MACF1: variants seen among roughly 807,000 people sequenced by gnomAD.
MACF1 encodes the protein microtubule-actin cross-linking factor 1.
MACF1 carries 193 observed loss-of-function variants against 854.8 expected under a neutral mutation model. That is an observed-to-expected ratio of 0.23 (90% CI 0.20 to 0.25). The LOEUF is 0.25. Among genes scored for constraint, MACF1 ranks in the 10% least tolerant of loss-of-function variants. The pLI, the probability that MACF1 is intolerant of heterozygous loss-of-function variation, is 1.00. For synonymous variants in MACF1, 3,185 were observed against 3,226.7 expected (o/e 0.99, Z 0.44); for missense variants, 7,722 against 8,929.1 (o/e 0.86, Z 5.45).
intron 57 of MACF1, 30 bp downstream of exon 57, chr1:39,385,959 CATT>C (rs779107811): frequency 6.4e-7 from 1 of 1,570,448 alleles, no homozygotes; most frequent in East Asian, 2.3e-5. Context: ...ATACTTCTGC[CATT>C]ATTAGAGGCA....
rs1206173185 is a variant in MACF1 at position 39,427,631 on chromosome 1, G to A, written c.16476+17G>A. The A allele has an allele frequency of 1.3e-6, 2 of 1,599,256 alleles. No individual in the cohort carries two copies. Among genetic ancestry groups the A allele is most frequent in the Non-Finnish European group, 1.7e-6 (2 of 1,174,514 alleles). ...CGGCACAAGGTAGGGAGTGGTTACA[G>A]TAAATGAAAATAGAAAACTGGAATT... On this transcript the variant is annotated intron_variant, in intron 62 of 100. Transcript: ENST00000564288.
chr1:39,453,674 T>C, intron 87 of MACF1, 33 bp from the exon 88 acceptor site: 7 of 1,608,076 alleles, frequency 4.4e-6, no homozygotes, highest in Non-Finnish European at 6.0e-6. Context: ...TGTAGACTTT[T>C]TACGTTTTTG....
chr1:39,171,237 G>A (rs1257893149), intron 2 of MACF1, among the ~76,000 whole-genome samples: 1 of 151,430 alleles, frequency 6.6e-6, no homozygotes, highest in African/African-American at 2.4e-5. Flanking sequence ...GTATGTGTGT[G>A]TGTATTTTTC....
intron 1 of MACF1, among the ~76,000 whole-genome samples, chr1:39,207,147 CTA>C (rs1247299308): frequency 6.6e-6 from 1 of 151,984 alleles, no homozygotes; most frequent in East Asian, 1.9e-4. Flanking sequence ...TAATTCATCT[CTA>C]TGTAGTAATA....
At chr1:39,408,499 A>AC (rs1449603188) in intron 58 of MACF1, among the ~76,000 whole-genome samples, 21 of 152,116 alleles carry the variant, frequency 1.4e-4, no homozygotes, top group African/African-American at 3.1e-4. Context: ...CAGGCGGCCT[A>AC]CCCCAGCCGG....
In MACF1 at chr1:39,447,799, G is replaced by C; in HGVS notation, c.19869G>C (p.Lys6623Asn). 6.2e-7 allele frequency: 1 copy of C among 1,613,986 alleles called. No homozygotes were observed. The highest frequency in any genetic ancestry group is 8.5e-7 in the Non-Finnish European group (1 of 1,179,996). ...AAAAGCAGGATGTTGTTCTGATCAA[G>C]AATTTGTTGGTGAGCGTGCAGTCTC... ...LSQKQDVVLI[K>N]NLLVSVQSRW... The change falls in exon 82 of 101, where the codon AAG becomes AAC. Residue 6623 changes from lysine to asparagine, a missense_variant. Physicochemically the swap from Lys to Asn is moderately conservative, Grantham distance 94. Transcript: ENST00000564288.
chr1:39,303,119 G>A, intron 23 of MACF1, 41 bp downstream of exon 23: 1 of 1,600,972 alleles, frequency 6.2e-7, no homozygotes, highest in South Asian at 1.1e-5. Flanking sequence ...CACCTCTGCT[G>A]TTGGCCTCGG....
chr1:39,383,563 G>A (rs924254882), intron 56 of MACF1, among the ~76,000 whole-genome samples: 6 of 152,174 alleles, frequency 3.9e-5, no homozygotes, highest in South Asian at 2.1e-4. Context: ...AGCATTTTCC[G>A]AAACATAAAA....
intron 52 of MACF1, chr1:39,373,210 G>A (rs1649404077): frequency 6.5e-6 from 1 of 153,304 alleles, no homozygotes; most frequent in Non-Finnish European, 1.4e-5. Context: ...GGAGGCTGAG[G>A]CAGGAGAATG....
At chr1:39,171,295 T>A (rs965100294) in intron 2 of MACF1, among the ~76,000 whole-genome samples, 4 of 152,150 alleles carry the variant, frequency 2.6e-5, no homozygotes, top group African/African-American at 9.6e-5. Context: ...AAAAAATTGA[T>A]CATTGTAAGT....
At chr1:39,463,517 A>C (rs1644600052) in intron 93 of MACF1, 95 bp from the exon 94 acceptor site, 2 of 816,030 alleles carry the variant, frequency 2.5e-6, no homozygotes, top group Admixed American at 4.3e-5. Context: ...GTAAATAATG[A>C]ATAGCCTCCC....
intron 22 of MACF1, among the ~76,000 whole-genome samples, chr1:39,302,135 T>A (rs1293277552): frequency 2.0e-5 from 3 of 152,172 alleles, no homozygotes; most frequent in Non-Finnish European, 4.4e-5. Flanking sequence ...TGGCTGGGAC[T>A]ACAGGCATGC....
At chr1:39,329,135 A>G (rs1399189331) in intron 36 of MACF1, among the ~76,000 whole-genome samples, 1 of 152,218 alleles carries the variant, frequency 6.6e-6, no homozygotes, top group Non-Finnish European at 1.5e-5. Flanking sequence ...TATAATATAT[A>G]TGTTTAAATT....
intron 1 of MACF1, 75 bp from the exon 2 acceptor site, chr1:39,231,107 T>G (rs1644772500): frequency 9.4e-7 from 1 of 1,067,970 alleles, no homozygotes; most frequent in Non-Finnish European, 1.5e-6. Flanking sequence ...AACAGAGATG[T>G]GGGCAGGGCA....
At position 39,243,276 on chromosome 1, in the gene MACF1, G is replaced by A. The variant is rs144789646; in HGVS notation, c.172-6738G>A. On this transcript the variant is annotated intron_variant, in intron 2 of 100. Coordinates refer to ENST00000564288, the MANE Select transcript of MACF1 (RefSeq NM_001394062.1). ...TTTGACAATGATTTTCTCAGGGAGTGCAAACAGGCAAGGCCCTGAATTGCA... is the reference window on the plus strand; with the variant it reads ...TTTGACAATGATTTTCTCAGGGAGTACAAACAGGCAAGGCCCTGAATTGCA... 1.2e-3 allele frequency among the ~76,000 whole-genome samples: 184 copies of A among 152,314 alleles called. 1 individual carries two copies. The highest frequency in any genetic ancestry group is 4.4e-3 in the African/African-American group (182 of 41,580).
rs1166363217 is a variant in MACF1, at chr1:39,370,023, T to C, written c.12939-7T>C. 1.2e-6 allele frequency: 2 copies of C among 1,608,008 alleles called. No homozygotes were observed. The highest frequency in any genetic ancestry group is 2.2e-5 in the East Asian group (1 of 44,768). On this transcript the variant is annotated splice_region_variant and splice_polypyrimidine_tract_variant and intron_variant, in intron 50 of 100. Transcript: ENST00000564288. ...TCTGGCAAGTAACAAAACTGCTTCA[T>C]TGACAGAGAGAAAGATGCATCATCT...
Position 39,105,472 on chromosome 1 carries a change from G to A in MACF1, c.220+21034G>A. On this transcript the variant is annotated intron_variant, in intron 2 of 93. Coordinates refer to the MACF1 transcript ENST00000361689. The surrounding 1 kb of genome is among the most constrained non-coding windows in gnomAD (Gnocchi z 5.9). Reference sequence around the variant, plus strand: ...ACTGAGGAGCGGAGCGCGACTGCCGGGCCGGGCGAGGCGGGCGGACGGCGG... The same window carrying A: ...ACTGAGGAGCGGAGCGCGACTGCCGAGCCGGGCGAGGCGGGCGGACGGCGG... 2 of 1,009,476 alleles carry A rather than the reference G, an allele frequency of 2.0e-6. No homozygotes were observed. The highest frequency in any genetic ancestry group is 2.4e-6 in the Non-Finnish European group (2 of 847,000). The allele number at this position is 1,009,476 out of a possible 1,614,324, so 62.5% of individuals were successfully genotyped here.
At chr1:39,319,567 C>G (rs1285224175) in intron 30 of MACF1, 97 bp from the exon 31 acceptor site, 2 of 798,230 alleles carry the variant, frequency 2.5e-6, no homozygotes, top group Middle Eastern at 4.7e-4. Context: ...TCTGATGCAG[C>G]TAAGGTTTGG....
At chr1:39,086,101 A>T (rs998710820) in intron 2 of MACF1, among the ~76,000 whole-genome samples, 1 of 152,118 alleles carries the variant, frequency 6.6e-6, no homozygotes, top group Non-Finnish European at 1.5e-5. Flanking sequence ...GCAATTTGGG[A>T]TGTGTCTTAT....
Sources: gnomAD v4.1 joint callset for allele counts (sites outside exome capture counted in the v4.1 genomes callset) on GRCh38, gnomAD v4.1.1 for gene constraint, Gnocchi (gnomAD v3.1) non-coding constraint, MANE v1.5 for transcripts, NCBI Gene and HGNC (gene_info 2026-07-23, HGNC 2026-07-21) for gene names.